Variants in FBXO21 observed in about 807,000 individuals in gnomAD.
FBXO21 encodes F-box protein 21.
FBXO21 carries 32 observed loss-of-function variants against 76.6 expected under a neutral mutation model. The observed-to-expected ratio is 0.42, with a 90% CI of 0.32 to 0.56. The LOEUF is 0.56. Among genes scored for constraint, FBXO21 ranks in the 20% least tolerant of loss-of-function variants. The pLI, the probability that FBXO21 is intolerant of heterozygous loss-of-function variation, is 0.16. For synonymous variants in FBXO21, 328 were observed against 311.5 expected (o/e 1.05, Z -0.56); for missense variants, 586 against 797.3 (o/e 0.73, Z 3.19).
chr12:117,159,230 C>T (rs954275491), intron 9 of FBXO21, among the ~76,000 whole-genome samples: 1 of 151,956 alleles, frequency 6.6e-6, no homozygotes, highest in Admixed American at 6.6e-5. Context: ...GTGCCAAGTC[C>T]ATCAGGTTTT....
intron 11 of FBXO21, among the ~76,000 whole-genome samples, chr12:117,147,218 GACA>G (rs1356912994): frequency 1.4e-5 from 2 of 142,070 alleles, no homozygotes; most frequent in Non-Finnish European, 3.0e-5. Flanking sequence ...CTCCAGCCTG[GACA>G]ACAAGAGCAA....
At chr12:117,152,100 C>T (rs1955849723) in intron 11 of FBXO21, among the ~76,000 whole-genome samples, 1 of 151,830 alleles carries the variant, frequency 6.6e-6, no homozygotes, top group Non-Finnish European at 1.5e-5. Flanking sequence ...AATCAGGACT[C>T]AGACTTCACT....
chr12:117,172,063 CG>C (rs1227955414), intron 7 of FBXO21, among the ~76,000 whole-genome samples: 62 of 152,214 alleles, frequency 4.1e-4, no homozygotes, highest in African/African-American at 1.5e-3. Flanking sequence ...GGAGATTTTA[CG>C]GAAGAATGAA....
intron 3 of FBXO21, among the ~76,000 whole-genome samples, chr12:117,182,386 A>C (rs764721762): frequency 6.6e-6 from 1 of 152,130 alleles, no homozygotes. Flanking sequence ...GCTACTCAGG[A>C]GGCTGAGGCC....
intron 9 of FBXO21, among the ~76,000 whole-genome samples, chr12:117,162,685 G>A (rs1267397815): frequency 6.6e-6 from 1 of 152,136 alleles, no homozygotes; most frequent in Non-Finnish European, 1.5e-5. Flanking sequence ...CCCAGCTCAG[G>A]AATGTCTCCC....
intron 9 of FBXO21, among the ~76,000 whole-genome samples, chr12:117,164,569 C>T (rs1158905880): frequency 6.6e-6 from 1 of 152,162 alleles, no homozygotes; most frequent in Admixed American, 6.5e-5. Context: ...AGCCACCATG[C>T]CCGGCTGACA....
In FBXO21 at chr12:117,142,547, G is replaced by C. The variant is rs1955727021; in HGVS notation, c.*3540C>G. The C allele has an allele frequency of 6.6e-6, 1 of 152,072 alleles. No homozygotes were observed. The highest frequency in any genetic ancestry group is 2.4e-5 in the African/African-American group (1 of 41,390). The allele number at this position is 152,072 out of a possible 1,614,324, so 9.4% of individuals were successfully genotyped here. A position where few individuals can be genotyped will look rare whatever the true frequency, so the allele number is the denominator to read the frequency against. ...GGATTACAAAGACTTTATTAGGCCAGTGCCCGGCTCAAAGTTAGCATGCCA... is the reference window on the plus strand; with the variant it reads ...GGATTACAAAGACTTTATTAGGCCACTGCCCGGCTCAAAGTTAGCATGCCA... On this transcript the variant is annotated 3_prime_UTR_variant, in exon 12 of 12. Coordinates refer to ENST00000622495, the MANE Select transcript of FBXO21 (RefSeq NM_015002.3).
Position 117,144,958 on chromosome 12 carries a change from T to A in FBXO21, c.*1129A>T, listed in dbSNP as rs1053501223. ...TCCTTTCACACAAGTCCAACACTCTTCAAATGAAAGACATTCTCTCTCTTT... is the reference window on the plus strand; with the variant it reads ...TCCTTTCACACAAGTCCAACACTCTACAAATGAAAGACATTCTCTCTCTTT... On this transcript the variant is annotated 3_prime_UTR_variant, in exon 12 of 12. Transcript: ENST00000622495. 4 of 152,134 alleles carry A rather than the reference T, an allele frequency of 2.6e-5. No homozygotes were observed. Among genetic ancestry groups the A allele is most frequent in the African/African-American group, 4.8e-5 (2 of 41,436 alleles). The allele number at this position is 152,134 out of a possible 1,614,324, so 9.4% of individuals were successfully genotyped here. A position where few individuals can be genotyped will look rare whatever the true frequency, so the allele number is the denominator to read the frequency against.
In FBXO21 at chr12:117,142,065, T is replaced by G. The variant is rs1955723020; in HGVS notation, c.*4022A>C. ...CATTGCTACGTGGCCATAATACATG[T>G]ATTCTATAATTGCGCCTAATTTTAT... On this transcript the variant is annotated 3_prime_UTR_variant, in exon 12 of 12. Coordinates refer to ENST00000622495, the MANE Select transcript of FBXO21 (RefSeq NM_015002.3). The G allele has an allele frequency of 6.6e-6, 1 of 152,164 alleles. No individual in the cohort carries two copies. Among genetic ancestry groups the G allele is most frequent in the Admixed American group, 6.6e-5 (1 of 15,266 alleles). The allele number at this position is 152,164 out of a possible 1,614,324, so 9.4% of individuals were successfully genotyped here. A position where few individuals can be genotyped will look rare whatever the true frequency, so the allele number is the denominator to read the frequency against.
chr12:117,177,426 T>C, intron 4 of FBXO21, 94 bp downstream of exon 4: 1 of 1,340,982 alleles, frequency 7.5e-7, no homozygotes. Context: ...TTCACTTCTT[T>C]ACCACAAGGA....
rs1244366155 is a variant in FBXO21, at chr12:117,143,108, C to T, written c.*2979G>A. 6.6e-6 allele frequency: 1 copy of T among 152,192 alleles called. No homozygotes were observed. Among genetic ancestry groups the T allele is most frequent in the African/African-American group, 2.4e-5 (1 of 41,438 alleles). 9.4% of individuals were successfully genotyped at this position (152,192 alleles called of 1,614,324 possible). On this transcript the variant is annotated 3_prime_UTR_variant, in exon 12 of 12. Transcript: ENST00000622495. The stretch of plus-strand genomic sequence containing the variant: ...TTTGCAAACATGACGCCTGGCAAAA[C>T]CGGTCTGATTCTAAGGTAAACTCAT...
At chr12:117,164,985 A>G (rs868119224) in intron 9 of FBXO21, among the ~76,000 whole-genome samples, 2 of 152,262 alleles carry the variant, frequency 1.3e-5, no homozygotes, top group Non-Finnish European at 2.9e-5. Context: ...GGGCCATTAA[A>G]AAACTGAGAA....
chr12:117,146,253 G>A lies in FBXO21; in HGVS notation c.1700C>T (p.Pro567Leu). The change falls in exon 12 of 12, where the codon CCT (proline) becomes CTT (leucine). Residue 567 changes from proline to leucine, a missense_variant. Pro to Leu is a moderately conservative substitution (Grantham distance 98). Transcript: ENST00000622495. ...AQENLEYNVE[P>L]QEISHPDVGR... is the part of the protein sequence containing the mutation. Reference sequence around the variant, plus strand: ...CACGTCAGGGTGTGAGATTTCTTGAGGCTCCACGTTATATTCCAAGTTTTC... The same window carrying A: ...CACGTCAGGGTGTGAGATTTCTTGAAGCTCCACGTTATATTCCAAGTTTTC... 6.2e-7 allele frequency: 1 copy of A among 1,609,462 alleles called. No homozygotes were observed. Among genetic ancestry groups the A allele is most frequent in the Middle Eastern group, 1.7e-4 (1 of 6,040 alleles).
rs765473235 is a variant in FBXO21, at chr12:117,157,889, T to C, written c.1501A>G (p.Ile501Val). Residue 501 changes from isoleucine (I) to valine (V), a missense_variant, in exon 10 of 12, where the codon ATT (isoleucine) becomes GTT (valine). Ile to Val is a conservative substitution (Grantham distance 29, BLOSUM62 3). This residue lies in a region of FBXO21 where 164 missense variants were observed against 236.7 expected (regional missense o/e 0.69). Transcript: ENST00000622495. ...HRDVCYSIGL[I>V]MKHKRYGYNC... The stretch of plus-strand genomic sequence containing the variant: ...GGCACTCACCTCTTATGCTTCATAA[T>C]GAGCCCGATGGAGTAGCAGACATCT... 2 of 1,607,846 alleles carry C rather than the reference T, an allele frequency of 1.2e-6. No individual in the cohort carries two copies. Among genetic ancestry groups the C allele is most frequent in the Non-Finnish European group, 1.7e-6 (2 of 1,175,462 alleles).
intron 11 of FBXO21, among the ~76,000 whole-genome samples, chr12:117,153,504 A>G (rs557188851): frequency 6.6e-6 from 1 of 152,346 alleles, no homozygotes; most frequent in South Asian, 2.1e-4. Flanking sequence ...GTGGGCACGG[A>G]GCCCAGAGAA....
intron 3 of FBXO21, among the ~76,000 whole-genome samples, chr12:117,182,940 A>C (rs12426884): frequency 0.2 from 30,558 of 152,078 alleles, 3,427 homozygotes; most frequent in East Asian, 0.41. Context: ...AAAAATAGAA[A>C]AAATTAGCCA....
intron 11 of FBXO21, among the ~76,000 whole-genome samples, chr12:117,152,851 G>A (rs1346042880): frequency 2.0e-5 from 3 of 152,158 alleles, no homozygotes; most frequent in Admixed American, 6.5e-5. Context: ...GCAAATATGG[G>A]AATCATTTAC....
chr12:117,186,159 G>A (rs1321099476), intron 3 of FBXO21, among the ~76,000 whole-genome samples: 1 of 152,176 alleles, frequency 6.6e-6, no homozygotes, highest in Non-Finnish European at 1.5e-5. Context: ...TTACAGGCGT[G>A]AGCCACCGTG....
At chr12:117,170,293 T>C (rs930586556) in intron 7 of FBXO21, among the ~76,000 whole-genome samples, 4 of 152,174 alleles carry the variant, frequency 2.6e-5, no homozygotes, top group Non-Finnish European at 4.4e-5. Context: ...AGTGAGACAT[T>C]GGCGATGTCC....
Sources: gnomAD v4.1 joint callset for allele counts (sites outside exome capture counted in the v4.1 genomes callset) on GRCh38, gnomAD v4.1.1 for gene constraint, gnomAD v4.1.1 regional missense constraint, MANE v1.5 for transcripts, NCBI Gene and HGNC (gene_info 2026-07-23, HGNC 2026-07-21) for gene names.